The following ENOX2 variants were observed in gnomAD, a reference collection of about 807,000 sequenced individuals.
ENOX2 encodes the protein ecto-NOX disulfide-thiol exchanger 2.
A neutral mutation model predicts 45.0 loss-of-function variants in ENOX2; 36 were observed. The ratio of observed to expected loss-of-function variants is 0.80; its 90% confidence interval spans 0.61 to 1.06. ENOX2 has a LOEUF of 1.06. Among genes scored for constraint, ENOX2 ranks in the 50% least tolerant of loss-of-function variants. The pLI is 0.00. For missense variants in ENOX2, 423 were observed against 462.5 expected (o/e 0.91, Z 0.78); for synonymous variants, 174 against 152.3 (o/e 1.14, Z -1.05).
chrX:130,750,445 T>C (rs187861106), intron 3 of ENOX2, among the ~76,000 whole-genome samples: 1 of 111,987 alleles, frequency 8.9e-6, no homozygotes, highest in Admixed American at 9.5e-5. Flanking sequence ...CTTGTTTCTC[T>C]GGGTGTCTGC....
intron 13 of ENOX2, among the ~76,000 whole-genome samples, chrX:130,628,583 GT>G (rs2035611521): frequency 8.9e-6 from 1 of 112,756 alleles, no homozygotes; most frequent in Non-Finnish European, 1.9e-5. Context: ...TCACAAGAAA[GT>G]CTGCTGATTG....
intron 6 of ENOX2, among the ~76,000 whole-genome samples, chrX:130,675,057 T>G (rs1263797243): frequency 9.5e-6 from 1 of 104,906 alleles, no homozygotes; most frequent in East Asian, 2.9e-4. Context: ...TTTGCTATTG[T>G]GAATAGTGCC....
chrX:130,876,988 A>G (rs969194178), intron 2 of ENOX2, among the ~76,000 whole-genome samples: 1 of 111,913 alleles, frequency 8.9e-6, no homozygotes, highest in African/African-American at 3.2e-5. Context: ...TATGTATGAA[A>G]GGGAGTGAGG....
At chrX:130,795,690 C>T (rs1220042702) in intron 2 of ENOX2, among the ~76,000 whole-genome samples, 1 of 111,943 alleles carries the variant, frequency 8.9e-6, no homozygotes, top group Non-Finnish European at 1.9e-5. Context: ...AGCTTCATCT[C>T]TTGCCAATTC....
chrX:130,800,687 C>T (rs893945716), intron 2 of ENOX2, among the ~76,000 whole-genome samples: 4 of 112,112 alleles, frequency 3.6e-5, no homozygotes, highest in African/African-American at 9.7e-5. Context: ...CAGGGAATAG[C>T]TGTGGCTTGC....
chrX:130,857,161 A>G (rs1191362864), intron 2 of ENOX2, among the ~76,000 whole-genome samples: 1 of 112,223 alleles, frequency 8.9e-6, no homozygotes, highest in Admixed American at 9.4e-5. Context: ...GCTCAACAAC[A>G]TGGGTTAATC....
chrX:130,740,145 G>A (rs2038949219), intron 3 of ENOX2, among the ~76,000 whole-genome samples: 1 of 112,327 alleles, frequency 8.9e-6, no homozygotes, highest in South Asian at 3.7e-4. Context: ...GCTCACGCGT[G>A]TAATCCCAGC....
intron 2 of ENOX2, among the ~76,000 whole-genome samples, chrX:130,898,826 T>C (rs2079101640): frequency 9.1e-6 from 1 of 109,803 alleles, no homozygotes; most frequent in African/African-American, 3.3e-5. Context: ...ATCATGATTG[T>C]TTCCTCAGCA....
chrX:130,631,866 C>G (rs942140528), intron 12 of ENOX2, among the ~76,000 whole-genome samples: 2 of 104,014 alleles, frequency 1.9e-5, no homozygotes, highest in Admixed American at 1.0e-4. Flanking sequence ...GGCAACTAGA[C>G]CCAACATTTA....
At chrX:130,774,898 A>G in intron 3 of ENOX2, among the ~76,000 whole-genome samples, 1 of 112,277 alleles carries the variant, frequency 8.9e-6, no homozygotes, top group East Asian at 2.8e-4. Context: ...AAAAAATCCT[A>G]AGGAAAAGAC....
intron 4 of ENOX2, among the ~76,000 whole-genome samples, chrX:130,690,003 G>T (rs2037550891): frequency 9.0e-6 from 1 of 110,933 alleles, no homozygotes; most frequent in South Asian, 3.9e-4. Context: ...ACTTTGGGGA[G>T]GATTCCATGA....
chrX:130,883,894 T>C (rs935626189), intron 2 of ENOX2, among the ~76,000 whole-genome samples: 17 of 112,365 alleles, frequency 1.5e-4, no homozygotes, highest in African/African-American at 5.2e-4. Context: ...ATGAAAGACT[T>C]TTTCTTTAGC....
chrX:130,701,410 A>G (rs866174642), intron 4 of ENOX2, among the ~76,000 whole-genome samples: 7 of 111,291 alleles, frequency 6.3e-5, no homozygotes, highest in Middle Eastern at 4.7e-3. Context: ...TTTAAATTCT[A>G]TTATAATCAA....
Position 130,703,157 on chromosome X carries a change from CATTCCAAGATT to C in ENOX2, c.49_59del (p.Asn17GlyfsTer13). 1 of 1,209,046 alleles carries C rather than the reference CATTCCAAGATT, an allele frequency of 8.3e-7. No individual in the cohort carries two copies. The highest frequency in any genetic ancestry group is 1.1e-6 in the Non-Finnish European group (1 of 893,779). ...GTTGTCCGGCAATTCCCAGCGGTGC[CATTCCAAGATT>C]ATTCATTGCTGTGGCCCATGCAGTT... On this transcript the variant is annotated frameshift_variant, in exon 4 of 15. Transcript: ENST00000394363. LOFTEE classifies it high-confidence loss of function.
In ENOX2 at chrX:130,703,100, G is replaced by A; in HGVS notation, c.97+20C>T. On this transcript the variant is annotated intron_variant, in intron 4 of 14. Coordinates refer to ENST00000394363, the MANE Select transcript of ENOX2 (RefSeq NM_006375.4). Reference sequence around the variant, plus strand: ...GGTCAATAAAAATAAGCACTTGCGAGGTGATTAAAAATAACATACCAGGTA... The same window carrying A: ...GGTCAATAAAAATAAGCACTTGCGAAGTGATTAAAAATAACATACCAGGTA... 1 of 1,198,042 alleles carries A rather than the reference G, an allele frequency of 8.3e-7. No individual in the cohort carries two copies. Among genetic ancestry groups the A allele is most frequent in the Non-Finnish European group, 1.1e-6 (1 of 886,856 alleles).
chrX:130,792,387 T>C (rs762111385), intron 2 of ENOX2, among the ~76,000 whole-genome samples: 1 of 112,389 alleles, frequency 8.9e-6, no homozygotes, highest in East Asian at 2.8e-4. Flanking sequence ...CCTGCACATG[T>C]ACCGCTAAAC....
At chrX:130,889,150 G>A (rs2078949860) in intron 2 of ENOX2, among the ~76,000 whole-genome samples, 1 of 112,074 alleles carries the variant, frequency 8.9e-6, no homozygotes, top group African/African-American at 3.2e-5. Flanking sequence ...AAGTCCTGGG[G>A]TGGCCACACC....
Position 130,635,014 on chromosome X carries a change from C to T in ENOX2, c.1389G>A (p.Val463=). 5 of 1,188,451 alleles carry T rather than the reference C, an allele frequency of 4.2e-6. No individual in the cohort carries two copies. The highest frequency in any genetic ancestry group is 3.6e-5 in the South Asian group (2 of 55,400). ...LEKLKDDKLQ[V]EKMLENLKEK... ...CTTTAAGATTTTCCAACATTTTTTC[C>T]ACCTGTAACTTGTCATCTTTGAGTT... The change falls in exon 12 of 15, where the codon GTG becomes GTA. Residue 463 remains valine, a synonymous_variant. Coordinates refer to ENST00000394363, the MANE Select transcript of ENOX2 (RefSeq NM_006375.4).
intron 13 of ENOX2, among the ~76,000 whole-genome samples, chrX:130,631,146 A>G (rs1428288754): frequency 1.8e-5 from 2 of 110,711 alleles, no homozygotes; most frequent in African/African-American, 6.6e-5. Flanking sequence ...TGGACATGAG[A>G]GGGCTTATCT....
Sources: gnomAD v4.1 joint callset for allele counts (sites outside exome capture counted in the v4.1 genomes callset) on GRCh38, gnomAD v4.1.1 for gene constraint, MANE v1.5 for transcripts, NCBI Gene and HGNC (gene_info 2026-07-23, HGNC 2026-07-21) for gene names.